EPC1: variants seen among roughly 807,000 people sequenced by gnomAD.
EPC1 encodes the protein enhancer of polycomb homolog 1.
In EPC1, 12 loss-of-function variants were observed where a neutral mutation model predicts 98.4. That is an observed-to-expected ratio of 0.12 (90% confidence interval 0.08 to 0.20). The LOEUF (loss-of-function observed/expected upper bound fraction) is 0.20. Ranked by LOEUF, EPC1 falls within the 10% of genes least tolerant of loss-of-function variation. The pLI is 1.00. For synonymous variants in EPC1, 357 were observed against 363.9 expected (o/e 0.98, Z 0.21); for missense variants, 729 against 990.5 (o/e 0.74, Z 3.54).
In EPC1 at chr10:32,294,531, C is replaced by A. The variant is rs573063803; in HGVS notation, c.314-794G>T. ...ATTGGTGCTCAAAAATTTCGAACTG[C>A]GGAGCATTTCAGATTTTGAGTTTTC... is the stretch of plus-strand genomic sequence containing the variant. On this transcript the variant is annotated intron_variant, in intron 2 of 13. Coordinates refer to ENST00000319778, the MANE Select transcript of EPC1 (RefSeq NM_001272004.3). Among the ~76,000 whole-genome samples, 41 of 152,246 alleles carry A rather than the reference C, an allele frequency of 2.7e-4. No individual in the cohort carries two copies. In the South Asian group the frequency reaches 6.0e-3, roughly 22 times the overall value.
intron 1 of EPC1, among the ~76,000 whole-genome samples, chr10:32,364,155 C>T (rs1839529106): frequency 6.6e-6 from 1 of 151,632 alleles, no homozygotes; most frequent in South Asian, 2.1e-4. Flanking sequence ...GATAGGATTA[C>T]AGGTGCCCAC....
intron 1 of EPC1, among the ~76,000 whole-genome samples, chr10:32,368,676 T>G (rs1423664556): frequency 6.6e-6 from 1 of 152,236 alleles, no homozygotes; most frequent in Non-Finnish European, 1.5e-5. Context: ...GAGAAGATAA[T>G]GACCTATTCC....
chr10:32,366,655 C>G (rs1031393577), intron 1 of EPC1, among the ~76,000 whole-genome samples: 1 of 151,474 alleles, frequency 6.6e-6, no homozygotes, highest in Non-Finnish European at 1.5e-5. Context: ...GGTATTATAT[C>G]AATACATGTA....
chr10:32,301,168 T>C (rs1182394385), intron 2 of EPC1, among the ~76,000 whole-genome samples: 3 of 152,116 alleles, frequency 2.0e-5, no homozygotes, highest in Admixed American at 1.3e-4. Context: ...ACACATTGAC[T>C]ACCCTTTTAA....
At chr10:32,311,180 G>A (rs1451024090) in intron 1 of EPC1, among the ~76,000 whole-genome samples, 1 of 152,062 alleles carries the variant, frequency 6.6e-6, no homozygotes, top group Non-Finnish European at 1.5e-5. Context: ...GGGTGTGGTG[G>A]TGGGCGCCTG....
intron 6 of EPC1, among the ~76,000 whole-genome samples, chr10:32,290,505 A>AAAGAAAGAAAGAAAG (rs1554819135): frequency 2.6e-5 from 2 of 77,476 alleles, no homozygotes; most frequent in African/African-American, 1.1e-4. Flanking sequence ...AAAAAAAAAA[A>AAAGAAAGAAAGAAAG]AAAGAAAGAA....
chr10:32,360,527 C>T (rs186485981), intron 1 of EPC1, among the ~76,000 whole-genome samples: 6 of 152,254 alleles, frequency 3.9e-5, no homozygotes, highest in South Asian at 2.1e-4. Context: ...AGAAGGAACA[C>T]GGGTTTCCAT....
intron 1 of EPC1, among the ~76,000 whole-genome samples, chr10:32,362,956 C>T (rs550892753): frequency 3.3e-5 from 5 of 152,154 alleles, no homozygotes; most frequent in Non-Finnish European, 4.4e-5. Context: ...CCTTGGTAAG[C>T]GAACTCTGCA....
intron 1 of EPC1, among the ~76,000 whole-genome samples, chr10:32,319,035 T>C (rs1446244052): frequency 6.6e-6 from 1 of 152,234 alleles, no homozygotes; most frequent in Non-Finnish European, 1.5e-5. Flanking sequence ...AAGCATCTAA[T>C]AGAACTTTCT....
chr10:32,282,516 C>T (rs971449222), intron 10 of EPC1: 2 of 151,606 alleles, frequency 1.3e-5, no homozygotes, highest in Non-Finnish European at 1.5e-5. Context: ...AAGATCCTGT[C>T]TTAAATAAAT....
In EPC1 at chr10:32,355,756, G is replaced by A. The variant is rs185781319; in HGVS notation, c.3+22735C>T. ...CTCCCGAGTAGCTGGGACTACAGGCGTGCGCCACCACACCCAGCTAATTTT... is the reference window on the plus strand; with the variant it reads ...CTCCCGAGTAGCTGGGACTACAGGCATGCGCCACCACACCCAGCTAATTTT... On this transcript the variant is annotated intron_variant, in intron 1 of 13. Transcript: ENST00000375110. 4.9e-4 allele frequency among the ~76,000 whole-genome samples: 74 copies of A among 151,792 alleles called. 1 individual carries two copies. Among genetic ancestry groups the A allele is most frequent in the African/African-American group, 1.7e-3 (71 of 41,396 alleles).
intron 1 of EPC1, among the ~76,000 whole-genome samples, chr10:32,317,829 T>C (rs1400618801): frequency 6.6e-6 from 1 of 152,202 alleles, no homozygotes; most frequent in Admixed American, 6.5e-5. Context: ...AGCTCAGTAA[T>C]CAATTTCTAG....
At chr10:32,338,469 A>G (rs1838114473) in intron 1 of EPC1, among the ~76,000 whole-genome samples, 1 of 152,162 alleles carries the variant, frequency 6.6e-6, no homozygotes, top group African/African-American at 2.4e-5. Flanking sequence ...TAAACTCGCT[A>G]ATAGCTTACT....
At chr10:32,341,844 C>G (rs1838377152) in intron 1 of EPC1, among the ~76,000 whole-genome samples, 1 of 152,208 alleles carries the variant, frequency 6.6e-6, no homozygotes, top group African/African-American at 2.4e-5. Context: ...TATGGAACAG[C>G]TGATCTTAAC....
intron 1 of EPC1, among the ~76,000 whole-genome samples, chr10:32,338,254 C>G (rs1222244444): frequency 6.6e-6 from 1 of 152,178 alleles, no homozygotes; most frequent in Non-Finnish European, 1.5e-5. Context: ...TTCTCTCTCT[C>G]CATCTAGTAC....
rs1836208100 is a variant in EPC1, at chr10:32,278,359, T to C, written c.1745-5078A>G. 2.1e-5 allele frequency among the ~76,000 whole-genome samples: 3 copies of C among 145,850 alleles called. 1 individual carries two copies. In the South Asian group the frequency reaches 6.5e-4, roughly 32 times the overall value. ...ACCTAGCCCCTCAAAATGTATACTT[T>C]GGTTTTTTTTTGTTTTTTTTTTTTT... is the stretch of plus-strand genomic sequence containing the variant. On this transcript the variant is annotated intron_variant, in intron 10 of 13. Coordinates refer to ENST00000319778, the MANE Select transcript of EPC1 (RefSeq NM_001272004.3).
intron 1 of EPC1, among the ~76,000 whole-genome samples, chr10:32,336,583 C>G (rs911102992): frequency 1.3e-5 from 2 of 152,154 alleles, no homozygotes; most frequent in Non-Finnish European, 2.9e-5. Context: ...GTTAGCTCTC[C>G]TATACCTACC....
chr10:32,336,067 C>CTTTT (rs1222918543), intron 1 of EPC1, among the ~76,000 whole-genome samples: 3 of 55,230 alleles, frequency 5.4e-5, no homozygotes, highest in Admixed American at 4.3e-4. Flanking sequence ...ACTACCTTTT[C>CTTTT]TTTTTTTTTT....
At chr10:32,306,985 G>A (rs1003414890) in intron 1 of EPC1, among the ~76,000 whole-genome samples, 3 of 151,930 alleles carry the variant, frequency 2.0e-5, no homozygotes, top group Non-Finnish European at 4.4e-5. Context: ...ATATTTTAAT[G>A]TATATACAAA....
Sources: gnomAD v4.1 joint callset for allele counts (sites outside exome capture counted in the v4.1 genomes callset) on GRCh38, gnomAD v4.1.1 for gene constraint, MANE v1.5 for transcripts, NCBI Gene and HGNC (gene_info 2026-07-23, HGNC 2026-07-21) for gene names.